PTPRD: variants seen among roughly 807,000 people sequenced by gnomAD.
PTPRD encodes the protein protein tyrosine phosphatase receptor type D.
In PTPRD, 34 loss-of-function variants were observed where a neutral mutation model predicts 214.5. That is an observed-to-expected ratio of 0.16 (90% CI 0.12 to 0.21). The LOEUF is 0.21. Among genes scored for constraint, PTPRD ranks in the 10% least tolerant of loss-of-function variants. PTPRD has a pLI of 1.00. For missense variants in PTPRD, 2,545 were observed against 2,398.7 expected (o/e 1.06, Z -1.27); for synonymous variants, 1,128 against 845.7 (o/e 1.33, Z -5.79).
chr9:9,518,114 T>C (rs2096880420), intron 8 of PTPRD, among the ~76,000 whole-genome samples: 1 of 152,096 alleles, frequency 6.6e-6, no homozygotes, highest in African/African-American at 2.4e-5. Flanking sequence ...GCTCATAAAA[T>C]GTTAAAGTTC....
intron 9 of PTPRD, among the ~76,000 whole-genome samples, chr9:9,254,721 T>G (rs2099976971): frequency 6.6e-6 from 1 of 152,058 alleles, no homozygotes. Flanking sequence ...TGAAGAAATC[T>G]CAGCATACAA....
At chr9:9,738,118 G>A (rs894110135) in intron 6 of PTPRD, among the ~76,000 whole-genome samples, 1 of 152,128 alleles carries the variant, frequency 6.6e-6, no homozygotes, top group South Asian at 2.1e-4. Context: ...GGGGGGATGG[G>A]GGAGGGATAG....
At chr9:8,662,515 G>C (rs1345886929) in intron 12 of PTPRD, among the ~76,000 whole-genome samples, 2 of 152,110 alleles carry the variant, frequency 1.3e-5, no homozygotes, top group African/African-American at 4.8e-5. Flanking sequence ...TCTAATTGTA[G>C]ACAACTCTTC....
At chr9:10,450,500 A>C (rs2098834065) in intron 2 of PTPRD, among the ~76,000 whole-genome samples, 1 of 152,022 alleles carries the variant, frequency 6.6e-6, no homozygotes, top group South Asian at 2.1e-4. Context: ...CTTTATTCAA[A>C]GCCTTTCAGA....
intron 21 of PTPRD, among the ~76,000 whole-genome samples, chr9:8,514,131 G>A (rs1359683143): frequency 1.3e-5 from 2 of 151,976 alleles, no homozygotes; most frequent in East Asian, 3.9e-4. Context: ...CCTTCACTGA[G>A]TTATGATTCA....
At chr9:9,643,982 G>T (rs916309389) in intron 7 of PTPRD, among the ~76,000 whole-genome samples, 1 of 152,270 alleles carries the variant, frequency 6.6e-6, no homozygotes, top group African/African-American at 2.4e-5. Flanking sequence ...TGTCTGCTTA[G>T]TAATGCTGCC....
At chr9:10,455,197 T>C (rs1158839414) in intron 2 of PTPRD, among the ~76,000 whole-genome samples, 3 of 151,750 alleles carry the variant, frequency 2.0e-5, no homozygotes, top group Non-Finnish European at 4.4e-5. Flanking sequence ...CTGGAGCCTC[T>C]GTAGCACTGC....
chr9:8,817,403 T>C (rs2096942267), intron 11 of PTPRD, among the ~76,000 whole-genome samples: 1 of 152,206 alleles, frequency 6.6e-6, no homozygotes, highest in Non-Finnish European at 1.5e-5. Context: ...AATTTAGATG[T>C]AGAGAAAACA....
Position 8,436,649 on chromosome 9 carries a change from T to A in PTPRD, c.4029A>T (p.Ala1343=). The A allele has an allele frequency of 6.2e-7, 1 of 1,613,608 alleles. No homozygotes were observed. The highest frequency in any genetic ancestry group is 8.5e-7 in the Non-Finnish European group (1 of 1,179,766). The part of the protein sequence containing the change: ...SHPPIPILEL[A]DHIERLKAND... The stretch of plus-strand genomic sequence containing the variant: ...TTGCTTTCAATCTTTCAATGTGGTC[T>A]GCAAGTTCCAAGATGGGTATTGGAG... The change falls in exon 35 of 46, where the codon GCA becomes GCT. Residue 1343 remains alanine (A), a synonymous_variant. Coordinates refer to ENST00000381196, the MANE Select transcript of PTPRD (RefSeq NM_002839.4).
At chr9:9,276,165 T>C (rs904421743) in intron 9 of PTPRD, among the ~76,000 whole-genome samples, 17 of 151,300 alleles carry the variant, frequency 1.1e-4, no homozygotes, top group Non-Finnish European at 1.6e-4. Context: ...AGTAATTTCA[T>C]TGGGGACATT....
chr9:10,000,452 T>G (rs772395156), intron 4 of PTPRD, among the ~76,000 whole-genome samples: 1 of 152,034 alleles, frequency 6.6e-6, no homozygotes, highest in Admixed American at 6.6e-5. Context: ...TACCCTTAAA[T>G]CCACCTCAGG....
At chr9:10,216,522 T>C (rs2099541831) in intron 3 of PTPRD, among the ~76,000 whole-genome samples, 1 of 152,012 alleles carries the variant, frequency 6.6e-6, no homozygotes, top group Non-Finnish European at 1.5e-5. Context: ...CTATTAGACA[T>C]CTGCTGTCTA....
intron 4 of PTPRD, among the ~76,000 whole-genome samples, chr9:9,993,495 T>C (rs2096019269): frequency 1.3e-5 from 2 of 152,204 alleles, no homozygotes; most frequent in Non-Finnish European, 2.9e-5. Flanking sequence ...GCTACAACCA[T>C]GTATAACAAT....
At chr9:9,038,481 C>T (rs116848225) in intron 10 of PTPRD, among the ~76,000 whole-genome samples, 2,001 of 151,544 alleles carry the variant, frequency 0.013, 35 homozygotes, top group Non-Finnish European at 0.021. Context: ...ACAAACTGAG[C>T]ATGTACACAA....
At chr9:9,630,534 G>A (rs1255134353) in intron 7 of PTPRD, among the ~76,000 whole-genome samples, 3 of 152,092 alleles carry the variant, frequency 2.0e-5, no homozygotes, top group Admixed American at 6.5e-5. Context: ...CTAGAATTAG[G>A]CTTAAATACT....
intron 43 of PTPRD, among the ~76,000 whole-genome samples, chr9:8,333,403 T>C (rs12004779): frequency 0.013 from 2,001 of 152,044 alleles, 34 homozygotes; most frequent in African/African-American, 0.046. Context: ...AAAGGTTACC[T>C]GTTTAACAAT....
chr9:8,679,322 C>T (rs2097503297), intron 12 of PTPRD, among the ~76,000 whole-genome samples: 1 of 152,158 alleles, frequency 6.6e-6, no homozygotes, highest in South Asian at 2.1e-4. Context: ...AATAACTGTT[C>T]TCCAAATTCC....
chr9:10,496,968 T>C lies in PTPRD; in HGVS notation c.-600+115430A>G, dbSNP rs151178929. On this transcript the variant is annotated intron_variant, in intron 2 of 45. Transcript: ENST00000381196. Reference sequence around the variant, plus strand: ...AGAAGCATGAAATACTACACAGCCATAAAAAAGAATGGAATAATGTCCTTT... The same window carrying C: ...AGAAGCATGAAATACTACACAGCCACAAAAAAGAATGGAATAATGTCCTTT... Among the ~76,000 whole-genome samples, 154 of 152,038 alleles carry C rather than the reference T, an allele frequency of 1.0e-3. 1 individual carries two copies. The highest frequency in any genetic ancestry group is 6.8e-3 in the Middle Eastern group (2 of 294).
At chr9:8,477,998 G>A (rs1481084792) in intron 30 of PTPRD, among the ~76,000 whole-genome samples, 1 of 152,132 alleles carries the variant, frequency 6.6e-6, no homozygotes, top group African/African-American at 2.4e-5. Context: ...CCATTCCTGT[G>A]AGGATTACAT....
Sources: gnomAD v4.1 joint callset for allele counts (sites outside exome capture counted in the v4.1 genomes callset) on GRCh38, gnomAD v4.1.1 for gene constraint, MANE v1.5 for transcripts, NCBI Gene and HGNC (gene_info 2026-07-23, HGNC 2026-07-21) for gene names.